The following CNTLN variants were observed in gnomAD, a reference collection of about 807,000 sequenced individuals.
CNTLN encodes centlein, centrosomal protein.
CNTLN carries 212 observed loss-of-function variants against 180.0 expected under a neutral mutation model. That is an observed-to-expected ratio of 1.18 (90% CI 1.05 to 1.32). The LOEUF is 1.32. Ranked by LOEUF, CNTLN falls within the 40% of genes most tolerant of loss-of-function variation. CNTLN has a pLI of 0.00. For synonymous variants in CNTLN, 722 were observed against 563.1 expected (o/e 1.28, Z -3.99); for missense variants, 2,095 against 1,610.9 (o/e 1.30, Z -5.14).
At chr9:17,239,609 A>G (rs117048281) in intron 5 of CNTLN, among the ~76,000 whole-genome samples, 1,538 of 152,212 alleles carry the variant, frequency 0.01, 24 homozygotes, top group Non-Finnish European at 0.015. Flanking sequence ...TATGTCTTAC[A>G]TTTCATTCTT....
intron 2 of CNTLN, among the ~76,000 whole-genome samples, chr9:17,212,212 A>G (rs1242567586): frequency 2.0e-5 from 3 of 152,164 alleles, no homozygotes; most frequent in Non-Finnish European, 4.4e-5. Flanking sequence ...AGCTCTTATT[A>G]TTTTGAGATA....
At position 17,284,035 on chromosome 9, in the gene CNTLN, T is replaced by G. The variant is rs966026789; in HGVS notation, c.983+10169T>G. ...GAGGATTTTGTTTGTTTGTTTGTTT[T>G]TTTGAGACAGAGTTTCGCTCATGTT... On this transcript the variant is annotated intron_variant, in intron 6 of 25. Coordinates refer to ENST00000380647, the MANE Select transcript of CNTLN (RefSeq NM_017738.4). Among the ~76,000 whole-genome samples the G allele has an allele frequency of 3.3e-5, 5 of 149,264 alleles. No individual in the cohort carries two copies. The East Asian group carries it at 6.0e-4, about 18-fold the overall frequency.
intron 18 of CNTLN, among the ~76,000 whole-genome samples, chr9:17,443,303 A>G (rs1472711742): frequency 6.6e-6 from 1 of 152,234 alleles, no homozygotes; most frequent in Admixed American, 6.5e-5. Flanking sequence ...AGATTTCAGC[A>G]AGATTGCTGG....
intron 23 of CNTLN, among the ~76,000 whole-genome samples, chr9:17,478,525 T>C (rs1832473679): frequency 6.6e-6 from 1 of 151,800 alleles, no homozygotes. Flanking sequence ...TGTAGGAGTT[T>C]TTTCTTTTTT....
intron 8 of CNTLN, among the ~76,000 whole-genome samples, chr9:17,326,203 C>A (rs932229050): frequency 1.3e-5 from 2 of 151,894 alleles, no homozygotes; most frequent in Non-Finnish European, 2.9e-5. Flanking sequence ...TGTAGTCAGT[C>A]CACGAATCAT....
intron 18 of CNTLN, among the ~76,000 whole-genome samples, chr9:17,454,627 C>G (rs964494529): frequency 1.3e-5 from 2 of 152,192 alleles, no homozygotes; most frequent in African/African-American, 4.8e-5. Flanking sequence ...GCCTTTACCA[C>G]AAGATAACAA....
At chr9:17,431,384 TTTTTAA>T (rs1390730201) in intron 18 of CNTLN, among the ~76,000 whole-genome samples, 1 of 152,136 alleles carries the variant, frequency 6.6e-6, no homozygotes, top group Non-Finnish European at 1.5e-5. Context: ...CTTTTGCCCA[TTTTTAA>T]TTGTGTTATT....
At chr9:17,351,456 T>C (rs1479640688) in intron 12 of CNTLN, among the ~76,000 whole-genome samples, 3 of 152,178 alleles carry the variant, frequency 2.0e-5, no homozygotes, top group Non-Finnish European at 2.9e-5. Context: ...AAATTCACGA[T>C]CTCCAAATTT....
intron 8 of CNTLN, among the ~76,000 whole-genome samples, chr9:17,318,170 G>A (rs1819656810): frequency 6.6e-6 from 1 of 151,800 alleles, no homozygotes; most frequent in Non-Finnish European, 1.5e-5. Flanking sequence ...TGGGACTACA[G>A]GCGCCCACCA....
intron 5 of CNTLN, among the ~76,000 whole-genome samples, chr9:17,245,440 G>GTTTTTTTTT (rs553099095): frequency 7.6e-6 from 1 of 132,150 alleles, no homozygotes; most frequent in Non-Finnish European, 1.6e-5. Context: ...TGTTATTTGT[G>GTTTTTTTTT]TTTTTTTTTT....
At chr9:17,194,870 C>G (rs1822024690) in intron 2 of CNTLN, among the ~76,000 whole-genome samples, 1 of 152,150 alleles carries the variant, frequency 6.6e-6, no homozygotes, top group South Asian at 2.1e-4. Flanking sequence ...AGAATCGTGA[C>G]AGGAGGCAAA....
chr9:17,250,026 T>A (rs1296844852), intron 5 of CNTLN, among the ~76,000 whole-genome samples: 1 of 151,612 alleles, frequency 6.6e-6, no homozygotes, highest in African/African-American at 2.4e-5. Context: ...TGTCAATTCT[T>A]TAATTGTTTG....
intron 5 of CNTLN, among the ~76,000 whole-genome samples, chr9:17,264,932 G>T (rs1827294892): frequency 3.4e-5 from 5 of 148,858 alleles, no homozygotes; most frequent in Admixed American, 3.3e-4. Flanking sequence ...AGCTTAAGGA[G>T]ATTTGGGGCT....
chr9:17,407,986 G>C (rs1404032078), intron 15 of CNTLN, among the ~76,000 whole-genome samples: 1 of 151,800 alleles, frequency 6.6e-6, no homozygotes, highest in Non-Finnish European at 1.5e-5. Flanking sequence ...AATTAGCCAG[G>C]CATCGTGGTG....
chr9:17,315,940 G>C (rs996047638), intron 8 of CNTLN, among the ~76,000 whole-genome samples: 2 of 118,038 alleles, frequency 1.7e-5, no homozygotes, highest in Non-Finnish European at 3.6e-5. Context: ...TTGTAGGTTT[G>C]TCTATTTCTC....
chr9:17,292,098 C>G (rs1255589566), intron 6 of CNTLN, among the ~76,000 whole-genome samples: 1 of 152,136 alleles, frequency 6.6e-6, no homozygotes, highest in African/African-American at 2.4e-5. Flanking sequence ...ATTGGAAATC[C>G]TTTTCTTTAA....
At chr9:17,212,373 G>A (rs1823386060) in intron 2 of CNTLN, among the ~76,000 whole-genome samples, 1 of 152,176 alleles carries the variant, frequency 6.6e-6, no homozygotes, top group East Asian at 1.9e-4. Context: ...ATTTGCATAT[G>A]TTGAACCAGC....
At chr9:17,193,196 C>T (rs1031563791) in intron 2 of CNTLN, among the ~76,000 whole-genome samples, 5 of 152,072 alleles carry the variant, frequency 3.3e-5, no homozygotes, top group African/African-American at 1.2e-4. Flanking sequence ...CCATATCATT[C>T]CACCCCGGCC....
chr9:17,372,977 A>T (rs1824453876), intron 13 of CNTLN, among the ~76,000 whole-genome samples: 1 of 152,196 alleles, frequency 6.6e-6, no homozygotes, highest in African/African-American at 2.4e-5. Context: ...GAACAAACAT[A>T]CATCAGGATA....
Sources: gnomAD v4.1 joint callset for allele counts (sites outside exome capture counted in the v4.1 genomes callset) on GRCh38, gnomAD v4.1.1 for gene constraint, MANE v1.5 for transcripts, NCBI Gene and HGNC (gene_info 2026-07-23, HGNC 2026-07-21) for gene names.